The following EXOC6B variants were observed in gnomAD, a reference collection of about 807,000 sequenced individuals.
EXOC6B encodes SEC15 homolog B.
EXOC6B carries 54 observed loss-of-function variants against 113.5 expected under a neutral mutation model. The observed-to-expected ratio is 0.48, with a 90% CI of 0.38 to 0.60. EXOC6B has a LOEUF of 0.60. EXOC6B is among the 20% of genes least tolerant of loss of function. The pLI is 0.00. For missense variants in EXOC6B, 797 were observed against 977.5 expected, an observed-to-expected ratio of 0.82 and a Z score of 2.46; for synonymous variants, 357 against 339.0, an observed-to-expected ratio of 1.05 and a Z score of -0.58.
chr2:72,819,855 A>G (rs1299287388), intron 1 of EXOC6B, among the ~76,000 whole-genome samples: 2 of 152,312 alleles, frequency 1.3e-5, no homozygotes, highest in East Asian at 3.9e-4. Flanking sequence ...AGGATGCTTT[A>G]TCTTCATTTT....
chr2:72,705,422 A>G (rs1409548276), intron 6 of EXOC6B, among the ~76,000 whole-genome samples: 1 of 152,204 alleles, frequency 6.6e-6, no homozygotes, highest in East Asian at 1.9e-4. Flanking sequence ...GGCACAAGAC[A>G]GGGATGCCCT....
At chr2:72,618,517 C>T (rs1671542707) in intron 6 of EXOC6B, among the ~76,000 whole-genome samples, 1 of 152,078 alleles carries the variant, frequency 6.6e-6, no homozygotes, top group Admixed American at 6.5e-5. Flanking sequence ...CATATAGCAC[C>T]CCAAGATTTC....
At chr2:72,486,489 C>A (rs1201519842) in intron 16 of EXOC6B, among the ~76,000 whole-genome samples, 1 of 152,094 alleles carries the variant, frequency 6.6e-6, no homozygotes, top group Non-Finnish European at 1.5e-5. Flanking sequence ...TGGCACAAAT[C>A]AATTTTTTTT....
intron 6 of EXOC6B, among the ~76,000 whole-genome samples, chr2:72,649,926 T>C (rs1458644387): frequency 6.6e-6 from 1 of 152,030 alleles, no homozygotes; most frequent in African/African-American, 2.4e-5. Flanking sequence ...AAATTAATCA[T>C]AGATATAAAT....
chr2:72,498,429 C>T lies in EXOC6B; in HGVS notation c.1337+25G>A, dbSNP rs767964868. 3.3e-6 allele frequency: 5 copies of T among 1,521,564 alleles called. No individual in the cohort carries two copies. The Admixed American group carries it at 5.2e-5, about 16-fold the overall frequency. The allele number at this position is 1,521,564 out of a possible 1,614,324, so 94.3% of individuals were successfully genotyped here. On this transcript the variant is annotated intron_variant, in intron 13 of 21. Coordinates refer to ENST00000272427, the MANE Select transcript of EXOC6B (RefSeq NM_015189.3). ...ACACTAATGTACATGAACACACACA[C>T]ATATGACTATAGATAATTTCTCACC...
At chr2:72,647,456 CA>C (rs1479118508) in intron 6 of EXOC6B, among the ~76,000 whole-genome samples, 1 of 152,020 alleles carries the variant, frequency 6.6e-6, no homozygotes, top group African/African-American at 2.4e-5. Context: ...ACCAAAAAAA[CA>C]GCCTGCATTG....
intron 18 of EXOC6B, among the ~76,000 whole-genome samples, chr2:72,427,663 A>C (rs1695281510): frequency 6.6e-6 from 1 of 152,100 alleles, no homozygotes; most frequent in East Asian, 1.9e-4. Context: ...CCTTGGCGTG[A>C]GCAGCCTGAG....
chr2:72,663,522 A>G (rs1208048764), intron 6 of EXOC6B, among the ~76,000 whole-genome samples: 3 of 152,252 alleles, frequency 2.0e-5, no homozygotes, highest in Non-Finnish European at 4.4e-5. Flanking sequence ...GTGGAGTCTC[A>G]GGAGAAATTC....
chr2:72,301,593 G>A (rs1686537215), intron 20 of EXOC6B, among the ~76,000 whole-genome samples: 1 of 152,112 alleles, frequency 6.6e-6, no homozygotes, highest in South Asian at 2.1e-4. Flanking sequence ...ATGTGTCCAG[G>A]AATTTATCCA....
chr2:72,379,266 CTT>C (rs1157621895), intron 19 of EXOC6B, among the ~76,000 whole-genome samples: 1 of 152,160 alleles, frequency 6.6e-6, no homozygotes, highest in Non-Finnish European at 1.5e-5. Context: ...TTAAGCCACT[CTT>C]TAAGTTTTGT....
chr2:72,247,238 C>T (rs1303824582), intron 20 of EXOC6B, among the ~76,000 whole-genome samples: 3 of 152,148 alleles, frequency 2.0e-5, no homozygotes, highest in Non-Finnish European at 4.4e-5. Context: ...ATTCCCATCG[C>T]AGAAATGAAG....
chr2:72,320,264 T>C (rs10172670), intron 20 of EXOC6B, among the ~76,000 whole-genome samples: 2,812 of 151,122 alleles, frequency 0.019, 101 homozygotes, highest in African/African-American at 0.064. Context: ...TACACATATA[T>C]GGCTTAGAAT....
intron 18 of EXOC6B, among the ~76,000 whole-genome samples, chr2:72,396,903 T>C (rs1001982376): frequency 1.3e-5 from 2 of 152,102 alleles, no homozygotes; most frequent in Admixed American, 6.5e-5. Flanking sequence ...TTATTTACAT[T>C]GTACTCAACA....
At chr2:72,592,667 AT>A in intron 6 of EXOC6B, among the ~76,000 whole-genome samples, 1 of 152,282 alleles carries the variant, frequency 6.6e-6, no homozygotes, top group East Asian at 1.9e-4. Context: ...TAAGAAATAT[AT>A]ATTTGGTCTT....
intron 8 of EXOC6B, 87 bp from the exon 9 acceptor site, chr2:72,515,213 A>C (rs1701153205): frequency 8.1e-7 from 1 of 1,239,606 alleles, no homozygotes; most frequent in South Asian, 1.3e-5. Context: ...CCAGGTCTGG[A>C]ATTTGAGGTA....
At chr2:72,489,916 T>C (rs1243921813) in intron 16 of EXOC6B, among the ~76,000 whole-genome samples, 1 of 152,054 alleles carries the variant, frequency 6.6e-6, no homozygotes, top group Non-Finnish European at 1.5e-5. Flanking sequence ...AAGAAGAGAC[T>C]GTGTAACCCC....
At chr2:72,673,354 A>G (rs1040192139) in intron 6 of EXOC6B, among the ~76,000 whole-genome samples, 1 of 152,220 alleles carries the variant, frequency 6.6e-6, no homozygotes, top group African/African-American at 2.4e-5. Context: ...TATGATTGAC[A>G]ATAACCTGCC....
At chr2:72,191,108 A>G (rs75209495) in intron 20 of EXOC6B, among the ~76,000 whole-genome samples, 2 of 152,202 alleles carry the variant, frequency 1.3e-5, no homozygotes, top group African/African-American at 2.4e-5. Flanking sequence ...AAAATGGTAA[A>G]TTATGTGATT....
chr2:72,461,725 G>C (rs192886234), intron 18 of EXOC6B: 1 of 151,958 alleles, frequency 6.6e-6, no homozygotes, highest in African/African-American at 2.4e-5. Context: ...ATAGTAAAAA[G>C]GTAAGCACAT....
Sources: gnomAD v4.1 joint callset for allele counts (sites outside exome capture counted in the v4.1 genomes callset) on GRCh38, gnomAD v4.1.1 for gene constraint, MANE v1.5 for transcripts, NCBI Gene and HGNC (gene_info 2026-07-23, HGNC 2026-07-21) for gene names.